The following MAGI1 variants were observed in gnomAD, a reference collection of about 807,000 sequenced individuals.
MAGI1 encodes membrane associated guanylate kinase, WW and PDZ domain containing 1.
In MAGI1, 58 loss-of-function variants were observed where a neutral mutation model predicts 139.9. That is an observed-to-expected ratio of 0.41 (90% CI 0.34 to 0.52). The LOEUF (loss-of-function observed/expected upper bound fraction) is 0.52. Among genes scored for constraint, MAGI1 ranks in the 20% least tolerant of loss-of-function variants. The probability of loss-of-function intolerance (pLI) is 0.12; values close to 1 mark genes in which losing one functional copy is unlikely to be tolerated. For synonymous variants in MAGI1, 812 were observed against 737.9 expected, an observed-to-expected ratio of 1.10 and a Z score of -1.63; for missense variants, 1,874 against 1,901.6, an observed-to-expected ratio of 0.99 and a Z score of 0.27.
intron 13 of MAGI1, among the ~76,000 whole-genome samples, chr3:65,395,319 A>C (rs186899072): frequency 1.2e-4 from 18 of 152,096 alleles, no homozygotes; most frequent in African/African-American, 3.6e-4. Flanking sequence ...GAAAGGTGGT[A>C]AAGAGAGGAC....
At chr3:65,953,973 T>A (rs1381683217) in intron 1 of MAGI1, among the ~76,000 whole-genome samples, 1 of 152,200 alleles carries the variant, frequency 6.6e-6, no homozygotes, top group East Asian at 1.9e-4. Flanking sequence ...TTCATTTGGC[T>A]GTGTGAACTG....
intron 12 of MAGI1, among the ~76,000 whole-genome samples, chr3:65,411,737 T>C (rs1467876919): frequency 6.6e-6 from 1 of 152,166 alleles, no homozygotes; most frequent in Non-Finnish European, 1.5e-5. Context: ...TGCTTATTTT[T>C]AGTAATGTAA....
chr3:65,585,990 C>A (rs557839306), intron 2 of MAGI1, among the ~76,000 whole-genome samples: 1 of 152,036 alleles, frequency 6.6e-6, no homozygotes, highest in African/African-American at 2.4e-5. Context: ...GGAGGATCAG[C>A]GGAGCCCAGG....
intron 1 of MAGI1, among the ~76,000 whole-genome samples, chr3:65,712,520 T>C (rs2031611783): frequency 6.6e-6 from 1 of 151,950 alleles, no homozygotes. Context: ...TTTGTTGTTG[T>C]TGTTGTTGTT....
chr3:65,666,879 C>A (rs2086567005), intron 1 of MAGI1, among the ~76,000 whole-genome samples: 1 of 152,182 alleles, frequency 6.6e-6, no homozygotes, highest in African/African-American at 2.4e-5. Flanking sequence ...TGACCACAGG[C>A]AAGGTCCACC....
intron 1 of MAGI1, among the ~76,000 whole-genome samples, chr3:66,001,996 A>AT (rs2066765494): frequency 5.3e-5 from 8 of 152,240 alleles, no homozygotes; most frequent in Admixed American, 3.9e-4. Flanking sequence ...TTCCCGCCTC[A>AT]AGTCTTATAA....
rs78976582 is a variant in MAGI1 at position 65,649,017 on chromosome 3, A to G, written c.314-26929T>C. ...GACATTCACAGCCAAAAGAGGACAA[A>G]TGTTAACTTAAACCTCATATCTTAC... is the stretch of plus-strand genomic sequence containing the variant. On this transcript the variant is annotated intron_variant, in intron 1 of 22. Coordinates refer to ENST00000402939, the MANE Select transcript of MAGI1 (RefSeq NM_001033057.2). Among the ~76,000 whole-genome samples, 1,274 of 152,296 alleles carry G rather than the reference A, an allele frequency of 8.4e-3. 16 individuals are homozygous for G. The highest frequency in any genetic ancestry group is 0.029 in the African/African-American group (1,202 of 41,568).
At chr3:65,459,662 G>A (rs894486308) in intron 5 of MAGI1, among the ~76,000 whole-genome samples, 4 of 152,078 alleles carry the variant, frequency 2.6e-5, no homozygotes, top group African/African-American at 4.8e-5. Flanking sequence ...GAATAACCAC[G>A]GGAACAGCTC....
At chr3:66,023,664 T>C (rs2068080230) in intron 1 of MAGI1, among the ~76,000 whole-genome samples, 1 of 152,254 alleles carries the variant, frequency 6.6e-6, no homozygotes, top group Non-Finnish European at 1.5e-5. Context: ...AATTTATCTA[T>C]AGAAAAGTCC....
intron 2 of MAGI1, among the ~76,000 whole-genome samples, chr3:65,495,112 C>A (rs1243570854): frequency 6.6e-6 from 1 of 152,120 alleles, no homozygotes; most frequent in Non-Finnish European, 1.5e-5. Context: ...AAGTGTCAGG[C>A]ACAGGAAACA....
intron 1 of MAGI1, among the ~76,000 whole-genome samples, chr3:65,856,009 CT>C (rs2059367470): frequency 6.6e-6 from 1 of 152,090 alleles, no homozygotes; most frequent in South Asian, 2.1e-4. Context: ...GCAGAATTTT[CT>C]TGATGATGGA....
intron 17 of MAGI1, among the ~76,000 whole-genome samples, chr3:65,377,717 G>A (rs1401146214): frequency 6.6e-6 from 1 of 152,136 alleles, no homozygotes; most frequent in East Asian, 1.9e-4. Flanking sequence ...AAAAAACCTT[G>A]CTTTGATGTC....
chr3:65,678,656 G>A (rs751962876), intron 1 of MAGI1, among the ~76,000 whole-genome samples: 1 of 152,110 alleles, frequency 6.6e-6, no homozygotes, highest in Non-Finnish European at 1.5e-5. Context: ...CCCACAGCTT[G>A]CCTCACTGAG....
intron 1 of MAGI1, among the ~76,000 whole-genome samples, chr3:65,634,752 G>A (rs2084506817): frequency 6.6e-6 from 1 of 152,154 alleles, no homozygotes; most frequent in East Asian, 1.9e-4. Flanking sequence ...CAACAGAGAC[G>A]TTTATGGCTC....
intron 1 of MAGI1, among the ~76,000 whole-genome samples, chr3:65,772,663 G>A (rs1457962996): frequency 2.0e-5 from 3 of 152,204 alleles, no homozygotes; most frequent in South Asian, 4.1e-4. Flanking sequence ...AAAGGAAAAC[G>A]AGACAGCATA....
At chr3:65,683,335 T>A (rs2087727003) in intron 1 of MAGI1, among the ~76,000 whole-genome samples, 1 of 152,068 alleles carries the variant, frequency 6.6e-6, no homozygotes, top group Admixed American at 6.5e-5. Flanking sequence ...CCAACTGTAA[T>A]GAAAGCATCA....
At chr3:65,855,118 G>A (rs1214422789) in intron 1 of MAGI1, among the ~76,000 whole-genome samples, 1 of 152,120 alleles carries the variant, frequency 6.6e-6, no homozygotes, top group Non-Finnish European at 1.5e-5. Context: ...CGTGGGGGGC[G>A]GGGGTGAGTT....
intron 6 of MAGI1, among the ~76,000 whole-genome samples, chr3:65,451,587 A>G (rs1188780644): frequency 6.6e-6 from 1 of 152,158 alleles, no homozygotes; most frequent in Non-Finnish European, 1.5e-5. Flanking sequence ...TCCAGTGAAC[A>G]TTTCCTCTGA....
chr3:65,570,022 C>T (rs2080875357), intron 2 of MAGI1, among the ~76,000 whole-genome samples: 1 of 150,376 alleles, frequency 6.6e-6, no homozygotes, highest in Non-Finnish European at 1.5e-5. Flanking sequence ...CTCTCTCAAC[C>T]ACTAGGTGAG....
Sources: gnomAD v4.1 joint callset for allele counts (sites outside exome capture counted in the v4.1 genomes callset) on GRCh38, gnomAD v4.1.1 for gene constraint, MANE v1.5 for transcripts, NCBI Gene and HGNC (gene_info 2026-07-23, HGNC 2026-07-21) for gene names.